The following UBA6 variants were observed in gnomAD, a reference collection of about 807,000 sequenced individuals.
The protein encoded by UBA6 is ubiquitin like modifier activating enzyme 6, also known as ubiquitin-like modifier-activating enzyme 6.
UBA6 carries 87 observed loss-of-function variants against 148.3 expected under a neutral mutation model. That is an observed-to-expected ratio of 0.59 (90% CI 0.49 to 0.70). The LOEUF (loss-of-function observed/expected upper bound fraction) is 0.70. Ranked by LOEUF, UBA6 falls within the 30% of genes least tolerant of loss-of-function variation. UBA6 has a pLI of 0.00. For missense variants in UBA6, 1,186 were observed against 1,241.2 expected (o/e 0.96, Z 0.67); for synonymous variants, 376 against 401.0 (o/e 0.94, Z 0.75).
intron 2 of UBA6, among the ~76,000 whole-genome samples, chr4:67,687,822 A>G (rs1467459971): frequency 6.6e-6 from 1 of 152,186 alleles, no homozygotes; most frequent in African/African-American, 2.4e-5. Context: ...TCATTCTTTT[A>G]AATAATCAGT....
At chr4:67,653,208 A>C (rs1330174641) in intron 13 of UBA6, among the ~76,000 whole-genome samples, 2 of 152,154 alleles carry the variant, frequency 1.3e-5, no homozygotes, top group African/African-American at 4.8e-5. Flanking sequence ...CTCTGAGAAC[A>C]GACAGACTGC....
At chr4:67,664,068 G>C (rs1729930807) in intron 10 of UBA6, 121 bp from the exon 11 acceptor site, 6 of 647,088 alleles carry the variant, frequency 9.3e-6, no homozygotes, top group Non-Finnish European at 1.6e-5. Flanking sequence ...AATAAAGTAG[G>C]GTTGGGCTGG....
chr4:67,665,164 T>C (rs762959893), intron 10 of UBA6, 25 bp downstream of exon 10: 3 of 1,476,640 alleles, frequency 2.0e-6, no homozygotes, highest in Non-Finnish European at 2.8e-6. Flanking sequence ...AAAAATGTTT[T>C]TTAAGCCGAA....
chr4:67,690,278 C>T (rs1373120255), intron 2 of UBA6, among the ~76,000 whole-genome samples: 1 of 151,896 alleles, frequency 6.6e-6, no homozygotes, highest in Non-Finnish European at 1.5e-5. Flanking sequence ...GAAACTGGAC[C>T]CTTATACCAT....
intron 2 of UBA6, among the ~76,000 whole-genome samples, chr4:67,694,667 G>C (rs1391754941): frequency 6.6e-6 from 1 of 152,152 alleles, no homozygotes; most frequent in Non-Finnish European, 1.5e-5. Flanking sequence ...AAAGTGCTGG[G>C]ATTACAGGCA....
chr4:67,656,271 T>A (rs1334134781), intron 13 of UBA6, among the ~76,000 whole-genome samples: 3 of 151,936 alleles, frequency 2.0e-5, no homozygotes, highest in Non-Finnish European at 1.5e-5. Flanking sequence ...TGGTGAACAT[T>A]GATGCAAAAA....
At chr4:67,648,542 G>A (rs1729478282) in intron 14 of UBA6, among the ~76,000 whole-genome samples, 1 of 151,884 alleles carries the variant, frequency 6.6e-6, no homozygotes, top group Non-Finnish European at 1.5e-5. Context: ...CAGAGAGAGG[G>A]CCTGGAGGCA....
chr4:67,687,784 C>T (rs1353496739), intron 2 of UBA6, among the ~76,000 whole-genome samples: 1 of 152,154 alleles, frequency 6.6e-6, no homozygotes, highest in Non-Finnish European at 1.5e-5. Context: ...CTTCCAGCTC[C>T]AACCACGTCC....
rs1253785161 is a variant in UBA6, at chr4:67,616,032, T to C, written c.*2965A>G. 4 of 386,908 alleles carry C rather than the reference T, an allele frequency of 1.0e-5. No individual in the cohort carries two copies. The highest frequency in any genetic ancestry group is 1.8e-5 in the Non-Finnish European group (4 of 218,324). The allele number at this position is 386,908 out of a possible 1,614,324, so 24.0% of individuals were successfully genotyped here. On this transcript the variant is annotated 3_prime_UTR_variant, in exon 33 of 33. Transcript: ENST00000322244. The stretch of plus-strand genomic sequence containing the variant: ...AACTGCATATTTATATTTTATGTAT[T>C]TTTGAATATATATGTGTTTTTGAAA...
At chr4:67,642,776 T>G (rs1729336969) in intron 17 of UBA6, among the ~76,000 whole-genome samples, 1 of 152,056 alleles carries the variant, frequency 6.6e-6, no homozygotes, top group African/African-American at 2.4e-5. Context: ...AAAACACTTG[T>G]CTTTCTTTAA....
intron 23 of UBA6, among the ~76,000 whole-genome samples, chr4:67,632,679 G>C (rs1407008649): frequency 1.3e-5 from 2 of 152,140 alleles, no homozygotes; most frequent in African/African-American, 4.8e-5. Context: ...TCTGTTGAAA[G>C]TAAAAAGAAG....
Position 67,638,948 on chromosome 4 carries a change from T to C in UBA6, c.1731A>G (p.Val577=), listed in dbSNP as rs1729235148. The C allele has an allele frequency of 6.2e-7, 1 of 1,602,444 alleles. No individual in the cohort carries two copies. Among genetic ancestry groups the C allele is most frequent in the Non-Finnish European group, 8.5e-7 (1 of 1,172,812 alleles). Residue 577 remains valine, a synonymous_variant, in exon 19 of 33, where the codon GTA becomes GTG. Transcript: ENST00000322244. ...ALDNVEARRY[V]DSRCLANLRP... ...CATGAATTTCAAGAACATACCTGTC[T>C]ACGTATCTCCTGGCTTCCACATTAT...
chr4:67,653,768 C>T (rs2109924464), intron 13 of UBA6, among the ~76,000 whole-genome samples: 1 of 152,256 alleles, frequency 6.6e-6, no homozygotes, highest in Middle Eastern at 3.4e-3. Flanking sequence ...TAACCCATTG[C>T]AAGGAAGCTA....
intron 25 of UBA6, among the ~76,000 whole-genome samples, chr4:67,630,833 A>C (rs1451620548): frequency 6.6e-6 from 1 of 152,194 alleles, no homozygotes; most frequent in African/African-American, 2.4e-5. Flanking sequence ...CAGACCAGTG[A>C]ACAATAATTC....
At chr4:67,638,644 C>T (rs779046993) in intron 19 of UBA6, among the ~76,000 whole-genome samples, 1 of 152,024 alleles carries the variant, frequency 6.6e-6, no homozygotes, top group Non-Finnish European at 1.5e-5. Flanking sequence ...CAAAAGACAG[C>T]CAAAAAACTG....
Position 67,663,869 on chromosome 4 carries a change from CA to C in UBA6, c.960+15del, listed in dbSNP as rs755197231. On this transcript the variant is annotated intron_variant, in intron 11 of 32. Coordinates refer to ENST00000322244, the MANE Select transcript of UBA6 (RefSeq NM_018227.6). The stretch of plus-strand genomic sequence containing the variant: ...GATTCTGCTGCCTCTCTCAAACCTG[CA>C]AAGTGTTTATTTACCTCAGGGTTGC... The C allele has an allele frequency of 6.2e-7, 1 of 1,611,230 alleles. No homozygotes were observed. Among genetic ancestry groups the C allele is most frequent in the South Asian group, 1.1e-5 (1 of 90,996 alleles).
intron 18 of UBA6, 120 bp from the exon 19 acceptor site, chr4:67,639,244 TGA>T: frequency 1.5e-6 from 1 of 677,424 alleles, no homozygotes; most frequent in Non-Finnish European, 2.3e-6. Context: ...ACATATATAA[TGA>T]GAGTAATGAG....
intron 20 of UBA6, 121 bp downstream of exon 20, chr4:67,635,332 G>A (rs1729112120): frequency 1.7e-6 from 1 of 597,414 alleles, no homozygotes; most frequent in Non-Finnish European, 3.0e-6. Context: ...ATGCACATAT[G>A]TATGAACATC....
chr4:67,688,742 T>C (rs1368137899), intron 2 of UBA6, among the ~76,000 whole-genome samples: 1 of 152,142 alleles, frequency 6.6e-6, no homozygotes, highest in Non-Finnish European at 1.5e-5. Flanking sequence ...TAGTTAAATA[T>C]ATATGTACAA....
Sources: gnomAD v4.1 joint callset for allele counts (sites outside exome capture counted in the v4.1 genomes callset) on GRCh38, gnomAD v4.1.1 for gene constraint, MANE v1.5 for transcripts, NCBI Gene and HGNC (gene_info 2026-07-23, HGNC 2026-07-21) for gene names.